KCNQ1OT1: variants seen among roughly 807,000 people sequenced by gnomAD.
KCNQ1OT1 encodes KCNQ1 antisense RNA 2 (non-protein coding).
chr11:2,655,163 C>G, exon 1 of KCNQ1OT1: 1 of 398,538 alleles, frequency 2.5e-6, no homozygotes, highest in Non-Finnish European at 4.4e-6. Flanking sequence ...GAGTTTGATT[C>G]CTGTTCTCTT....
At chr11:2,666,831 G>A (rs1022025498) in exon 1 of KCNQ1OT1, 3 of 398,564 alleles carry the variant, frequency 7.5e-6, no homozygotes, top group Non-Finnish European at 1.3e-5. Flanking sequence ...GGACATTCTG[G>A]GAACCAGTGT....
Position 2,691,741 on chromosome 11 carries a change from G to A in KCNQ1OT1, n.8254C>T, listed in dbSNP as rs148467972. ...AGCCCACAGGGAGCCACACAGGCAG[G>A]GGACATTCCACTAGGGCCATTTGCA... is the stretch of plus-strand genomic sequence containing the variant. On this transcript the variant is annotated non_coding_transcript_exon_variant, in exon 1 of 1. Coordinates refer to ENST00000597346, the Ensembl canonical transcript of KCNQ1OT1. The surrounding 1 kb of genome is among the most constrained non-coding windows in gnomAD (Gnocchi z 6.4). 869 of 398,624 alleles carry A rather than the reference G, an allele frequency of 2.2e-3. 1 individual carries two copies. The highest frequency in any genetic ancestry group is 8.2e-3 in the Middle Eastern group (13 of 1,590). The allele number at this position is 398,624 out of a possible 1,614,324, so 24.7% of individuals were successfully genotyped here.
exon 1 of KCNQ1OT1, chr11:2,610,747 CT>C: frequency 4.6e-6 from 1 of 216,934 alleles, no homozygotes; most frequent in Non-Finnish European, 7.5e-6. Flanking sequence ...TTTTTTTTTA[CT>C]TTGAGCACTT....
exon 1 of KCNQ1OT1, chr11:2,622,193 C>T: frequency 2.5e-6 from 1 of 398,346 alleles, no homozygotes; most frequent in Non-Finnish European, 4.4e-6. Flanking sequence ...CTTTCTCACT[C>T]CAATTCTGTC....
chr11:2,657,546 A>G lies in KCNQ1OT1; in HGVS notation n.42449T>C. On this transcript the variant is annotated non_coding_transcript_exon_variant, in exon 1 of 1. Coordinates refer to ENST00000597346, the Ensembl canonical transcript of KCNQ1OT1. This position sits in a 1 kb window ranked among gnomAD's most constrained non-coding sequence, Gnocchi z 4.8. ...AGTACCGAGTACCCACATCCCTTTC[A>G]CCAGCTTCCCCTAATGTTAGCATCT... 2.5e-6 allele frequency: 1 copy of G among 398,580 alleles called. No individual in the cohort carries two copies. Among genetic ancestry groups the G allele is most frequent in the East Asian group, 3.6e-5 (1 of 28,062 alleles). 24.7% of individuals were successfully genotyped at this position (398,580 alleles called of 1,614,324 possible).
chr11:2,617,418 C>A lies in KCNQ1OT1; in HGVS notation n.82577G>T, dbSNP rs542925298. 5.0e-6 allele frequency: 2 copies of A among 398,218 alleles called. No homozygotes were observed. The highest frequency in any genetic ancestry group is 4.4e-6 in the Non-Finnish European group (1 of 225,950). The allele number at this position is 398,218 out of a possible 1,614,324, so 24.7% of individuals were successfully genotyped here. A position where few individuals can be genotyped will look rare whatever the true frequency, so the allele number is the denominator to read the frequency against. On this transcript the variant is annotated non_coding_transcript_exon_variant, in exon 1 of 1. Transcript: ENST00000597346. This position sits in a 1 kb window ranked among gnomAD's most constrained non-coding sequence, Gnocchi z 4.6. ...AGTGGCAGGATCTCCTTTTTTAATG[C>A]GGAATAATATTCCATTGTAGACATA...
At position 2,695,565 on chromosome 11, in the gene KCNQ1OT1, T is replaced by G. The variant is rs902720102; in HGVS notation, n.4430A>C. 7.5e-6 allele frequency: 3 copies of G among 398,670 alleles called. No individual in the cohort carries two copies. The highest frequency in any genetic ancestry group is 1.3e-5 in the Non-Finnish European group (3 of 226,102). 24.7% of individuals were successfully genotyped at this position (398,670 alleles called of 1,614,324 possible). A position where few individuals can be genotyped will look rare whatever the true frequency, so the allele number is the denominator to read the frequency against. ...CCTATGGGCCATGCTGCCCTGAGCA[T>G]GCACACACACAGCCTCTCGTTGTTC... is the stretch of plus-strand genomic sequence containing the variant. On this transcript the variant is annotated non_coding_transcript_exon_variant, in exon 1 of 1. Coordinates refer to ENST00000597346, the Ensembl canonical transcript of KCNQ1OT1. The surrounding 1 kb of genome is among the most constrained non-coding windows in gnomAD (Gnocchi z 5.2).
At chr11:2,660,861 A>G (rs1716115817) in exon 1 of KCNQ1OT1, 1 of 398,660 alleles carries the variant, frequency 2.5e-6, no homozygotes, top group Non-Finnish European at 4.4e-6. Flanking sequence ...TCAGCTTTTA[A>G]GAATAAAGAT....
chr11:2,608,782 G>A lies in KCNQ1OT1; in HGVS notation n.91213C>T, dbSNP rs1438081582. The A allele has an allele frequency of 2.5e-6, 1 of 398,422 alleles. No homozygotes were observed. Among genetic ancestry groups the A allele is most frequent in the African/African-American group, 2.1e-5 (1 of 48,602 alleles). 24.7% of individuals were successfully genotyped at this position (398,422 alleles called of 1,614,324 possible). A position where few individuals can be genotyped will look rare whatever the true frequency, so the allele number is the denominator to read the frequency against. Reference sequence around the variant, plus strand: ...GGGATTACAGGTGTGAGCCACTGCAGCTAGCCTCGTTTTTTTGCTTTAATT... The same window carrying A: ...GGGATTACAGGTGTGAGCCACTGCAACTAGCCTCGTTTTTTTGCTTTAATT... On this transcript the variant is annotated non_coding_transcript_exon_variant, in exon 1 of 1. Coordinates refer to ENST00000597346, the Ensembl canonical transcript of KCNQ1OT1. This position sits in a 1 kb window ranked among gnomAD's most constrained non-coding sequence, Gnocchi z 4.6.
At chr11:2,650,300 G>A (rs1173743823) in exon 1 of KCNQ1OT1, 4 of 398,226 alleles carry the variant, frequency 1.0e-5, no homozygotes. Context: ...GTGTTCTTTT[G>A]GCAAGTCATG....
rs1399613669 is a variant in KCNQ1OT1 at position 2,670,737 on chromosome 11, A to G, written n.29258T>C. The G allele has an allele frequency of 2.5e-6, 1 of 398,550 alleles. No individual in the cohort carries two copies. The highest frequency in any genetic ancestry group is 3.6e-5 in the East Asian group (1 of 28,062). The allele number at this position is 398,550 out of a possible 1,614,324, so 24.7% of individuals were successfully genotyped here. The stretch of plus-strand genomic sequence containing the variant: ...GAGCAGGAGGGAACAGTCTGCAGAT[A>G]TTATCTGGGCACTGGCCAGTGGCTC... On this transcript the variant is annotated non_coding_transcript_exon_variant, in exon 1 of 1. Transcript: ENST00000597346. This position sits in a 1 kb window ranked among gnomAD's most constrained non-coding sequence, Gnocchi z 4.9.
Position 2,685,241 on chromosome 11 carries a change from C to T in KCNQ1OT1, n.14754G>A, listed in dbSNP as rs915884446. 4 of 398,664 alleles carry T rather than the reference C, an allele frequency of 1.0e-5. No individual in the cohort carries two copies. The East Asian group carries it at 1.4e-4, about 14-fold the overall frequency. 24.7% of individuals were successfully genotyped at this position (398,664 alleles called of 1,614,324 possible). ...CACGGAGGCACTACTTCAGTCCTCCCATTACCAAACTCCAGGGCACACGTG... is the reference window on the plus strand; with the variant it reads ...CACGGAGGCACTACTTCAGTCCTCCTATTACCAAACTCCAGGGCACACGTG... On this transcript the variant is annotated non_coding_transcript_exon_variant, in exon 1 of 1. Coordinates refer to ENST00000597346, the Ensembl canonical transcript of KCNQ1OT1.
chr11:2,635,871 T>A (rs572019869), exon 1 of KCNQ1OT1: 7 of 152,360 alleles, frequency 4.6e-5, no homozygotes, highest in Non-Finnish European at 8.8e-5. Context: ...AGCAGTGGTT[T>A]GTACTTCTCC....
exon 1 of KCNQ1OT1, chr11:2,684,815 A>C (rs915190574): frequency 5.0e-6 from 2 of 398,530 alleles, no homozygotes; most frequent in Non-Finnish European, 8.8e-6. Context: ...CCAAGGCTTG[A>C]GGTCTCCTAG....
chr11:2,648,636 T>C (rs1849704273), exon 1 of KCNQ1OT1: 2 of 398,566 alleles, frequency 5.0e-6, no homozygotes, highest in Non-Finnish European at 4.4e-6. Context: ...TCTGAGAAGA[T>C]ACTTGATAAG....
rs557211721 is a variant in KCNQ1OT1, at chr11:2,669,267, G to C, written n.30728C>G. On this transcript the variant is annotated non_coding_transcript_exon_variant, in exon 1 of 1. Transcript: ENST00000597346. The surrounding 1 kb of genome is among the most constrained non-coding windows in gnomAD (Gnocchi z 5.6). Reference sequence around the variant, plus strand: ...CTTCTCCTTCCCCATCACTGGCTTTGCTGTCTTTGCAGGGTTTCTCCTCAC... The same window carrying C: ...CTTCTCCTTCCCCATCACTGGCTTTCCTGTCTTTGCAGGGTTTCTCCTCAC... 3.6e-4 allele frequency: 145 copies of C among 398,572 alleles called. 2 individuals are homozygous for C. The highest frequency in any genetic ancestry group is 5.6e-4 in the Non-Finnish European group (127 of 226,128). The allele number at this position is 398,572 out of a possible 1,614,324, so 24.7% of individuals were successfully genotyped here. A position where few individuals can be genotyped will look rare whatever the true frequency, so the allele number is the denominator to read the frequency against.
chr11:2,622,431 T>A, exon 1 of KCNQ1OT1: 1 of 398,396 alleles, frequency 2.5e-6, no homozygotes, highest in Non-Finnish European at 4.4e-6. Context: ...TCAATCTACT[T>A]GTGTCTTTAG....
In KCNQ1OT1 at chr11:2,657,395, T is replaced by A; in HGVS notation, n.42600A>T. The A allele has an allele frequency of 2.5e-6, 1 of 398,612 alleles. No homozygotes were observed. The highest frequency in any genetic ancestry group is 4.4e-6 in the Non-Finnish European group (1 of 226,040). 24.7% of individuals were successfully genotyped at this position (398,612 alleles called of 1,614,324 possible). ...TCTTCATTGTCTCTTACTAAAGTTT[T>A]ACAATTTTCTCCAGAGTTCTTGCAT... On this transcript the variant is annotated non_coding_transcript_exon_variant, in exon 1 of 1. Coordinates refer to ENST00000597346, the Ensembl canonical transcript of KCNQ1OT1. This position sits in a 1 kb window ranked among gnomAD's most constrained non-coding sequence, Gnocchi z 4.8.
Position 2,612,235 on chromosome 11 carries a change from T to C in KCNQ1OT1, n.87760A>G, listed in dbSNP as rs950006047. ...CCTCCTGTCTGATCAGTGATGGCAT[T>C]AGATTCTCACAGAGAGCAAATCCTA... On this transcript the variant is annotated non_coding_transcript_exon_variant, in exon 1 of 1. Coordinates refer to ENST00000597346, the Ensembl canonical transcript of KCNQ1OT1. The surrounding 1 kb of genome is among the most constrained non-coding windows in gnomAD (Gnocchi z 5.5). 7 of 398,524 alleles carry C rather than the reference T, an allele frequency of 1.8e-5. No individual in the cohort carries two copies. The highest frequency in any genetic ancestry group is 2.2e-5 in the Non-Finnish European group (5 of 226,082). 24.7% of individuals were successfully genotyped at this position (398,524 alleles called of 1,614,324 possible).
Sources: allele counts gnomAD v4.1 joint callset, GRCh38; gene constraint gnomAD v4.1.1; non-coding constraint Gnocchi (gnomAD v3.1); transcripts MANE v1.5; gene names NCBI Gene and HGNC (gene_info 2026-07-23, HGNC 2026-07-21).